Variants in PLEKHA3 observed in about 807,000 individuals in gnomAD.
PLEKHA3 encodes pleckstrin homology domain-containing family A member 3.
In PLEKHA3, 19 loss-of-function variants were observed where a neutral mutation model predicts 39.2. The observed-to-expected ratio is 0.48, with a 90% CI of 0.34 to 0.71. The LOEUF (loss-of-function observed/expected upper bound fraction) is 0.71. Among genes scored for constraint, PLEKHA3 ranks in the 30% least tolerant of loss-of-function variants. PLEKHA3 has a pLI of 0.01. For missense variants in PLEKHA3, 253 were observed against 359.5 expected (o/e 0.70, Z 2.40); for synonymous variants, 97 against 118.6 (o/e 0.82, Z 1.18).
chr2:178,487,810 G>A (rs949241158), intron 2 of PLEKHA3, among the ~76,000 whole-genome samples: 6 of 152,106 alleles, frequency 3.9e-5, no homozygotes, highest in African/African-American at 7.2e-5. Context: ...TTCTGCAATC[G>A]ATCAGAGTAT....
At chr2:178,490,903 T>C in intron 3 of PLEKHA3, 89 bp downstream of exon 3, 1 of 990,800 alleles carries the variant, frequency 1.0e-6, no homozygotes, top group South Asian at 2.2e-5. Flanking sequence ...TTTTAGTATC[T>C]ATCCCAAGGA....
intron 4 of PLEKHA3, among the ~76,000 whole-genome samples, chr2:178,494,899 T>C (rs1315861123): frequency 6.6e-6 from 1 of 150,986 alleles, no homozygotes; most frequent in Non-Finnish European, 1.5e-5. Context: ...CCTAGCCAAC[T>C]TCTCATCTTT....
In PLEKHA3 at chr2:178,508,217, TC is replaced by T. The variant is rs948580965; in HGVS notation, c.*4332del. On this transcript the variant is annotated 3_prime_UTR_variant, in exon 8 of 8. Transcript: ENST00000234453. ...TAAAAAGCTTTTTCTCTCTAGTTGTTCCTTAAGTTATATTATCTTTGTTCTT... is the reference window on the plus strand; with the variant it reads ...TAAAAAGCTTTTTCTCTCTAGTTGTTCTTAAGTTATATTATCTTTGTTCTT... 3 of 153,416 alleles carry T rather than the reference TC, an allele frequency of 2.0e-5. No homozygotes were observed. Among genetic ancestry groups the T allele is most frequent in the Non-Finnish European group, 4.4e-5 (3 of 67,972 alleles). 9.5% of individuals were successfully genotyped at this position (153,416 alleles called of 1,614,324 possible). A position where few individuals can be genotyped will look rare whatever the true frequency, so the allele number is the denominator to read the frequency against.
Position 178,490,661 on chromosome 2 carries a change from C to G in PLEKHA3, c.160C>G (p.His54Asp). The change falls in exon 3 of 8, where the codon CAT (histidine) becomes GAT (aspartate). Residue 54 changes from histidine (H) to aspartate (D), a missense_variant and splice_region_variant. Physicochemically the swap from His to Asp is moderately conservative, Grantham distance 81. Around this residue, in one of 2 missense-constraint regions of PLEKHA3, gnomAD observed 126 missense variants for 222.7 expected, o/e 0.57. Coordinates refer to ENST00000234453, the MANE Select transcript of PLEKHA3 (RefSeq NM_019091.4). Reference protein sequence around the residue: ...IKMAVCEIKVHSADNTRMELI... With the variant: ...IKMAVCEIKVDSADNTRMELI... Reference sequence around the variant, plus strand: ...TTCCCCTTTGTTTATCATCATAGTTCATTCAGCAGACAACACAAGAATGGA... The same window carrying G: ...TTCCCCTTTGTTTATCATCATAGTTGATTCAGCAGACAACACAAGAATGGA... 6.2e-7 allele frequency: 1 copy of G among 1,612,030 alleles called. No homozygotes were observed. The highest frequency in any genetic ancestry group is 8.5e-7 in the Non-Finnish European group (1 of 1,178,936).
rs185923989 is a variant in PLEKHA3 at position 178,484,795 on chromosome 2, G to A, written c.41-846G>A. ...AAGACTCCGGGGAACACCAAGTTTG[G>A]CTTCAAAGAGGAGTGGGAATTGGGT... is the stretch of plus-strand genomic sequence containing the variant. On this transcript the variant is annotated intron_variant, in intron 1 of 7. Coordinates refer to ENST00000234453, the MANE Select transcript of PLEKHA3 (RefSeq NM_019091.4). Among the ~76,000 whole-genome samples, 218 of 152,338 alleles carry A rather than the reference G, an allele frequency of 1.4e-3. 5 individuals are homozygous for A. The South Asian group carries it at 0.022, about 15-fold the overall frequency.
chr2:178,497,223 T>C (rs1333218085), intron 5 of PLEKHA3, among the ~76,000 whole-genome samples: 4 of 150,956 alleles, frequency 2.6e-5, no homozygotes, highest in African/African-American at 9.7e-5. Flanking sequence ...ATATAAATAC[T>C]ATATATGTAT....
intron 3 of PLEKHA3, among the ~76,000 whole-genome samples, chr2:178,491,254 G>T (rs747159146): frequency 6.6e-6 from 1 of 152,014 alleles, no homozygotes; most frequent in Non-Finnish European, 1.5e-5. Context: ...CAGGTAATCC[G>T]CTCGCCTCGG....
intron 6 of PLEKHA3, among the ~76,000 whole-genome samples, chr2:178,499,806 G>A (rs951533418): frequency 1.3e-5 from 2 of 152,144 alleles, no homozygotes; most frequent in Non-Finnish European, 2.9e-5. Context: ...CACAGTGACA[G>A]AATCACCTAG....
chr2:178,495,701 G>A (rs1685430840), intron 5 of PLEKHA3, 41 bp downstream of exon 5: 1 of 1,539,264 alleles, frequency 6.5e-7, no homozygotes, highest in African/African-American at 1.4e-5. Context: ...CAGTAGTAAT[G>A]TTGCATGTGG....
At chr2:178,481,230 A>G (rs1685158983) in intron 1 of PLEKHA3, among the ~76,000 whole-genome samples, 1 of 152,230 alleles carries the variant, frequency 6.6e-6, no homozygotes, top group Non-Finnish European at 1.5e-5. Flanking sequence ...CTTAGTATTC[A>G]TACTTTAAGA....
chr2:178,495,434 G>C, intron 4 of PLEKHA3, 62 bp from the exon 5 acceptor site: 2 of 1,451,800 alleles, frequency 1.4e-6, no homozygotes, highest in Non-Finnish European at 1.9e-6. Flanking sequence ...TTAATGATAA[G>C]GTTGTATATG....
intron 2 of PLEKHA3, among the ~76,000 whole-genome samples, chr2:178,490,250 T>C (rs767061932): frequency 7.2e-5 from 11 of 152,250 alleles, no homozygotes; most frequent in Non-Finnish European, 1.6e-4. Context: ...TGTCATTTAT[T>C]ACATTCCTTC....
intron 2 of PLEKHA3, among the ~76,000 whole-genome samples, chr2:178,489,484 G>T (rs1264604989): frequency 1.6e-5 from 2 of 128,136 alleles, no homozygotes; most frequent in African/African-American, 6.0e-5. Context: ...TTGAGACAGG[G>T]TCTTGCTCTG....
chr2:178,500,820 A>G (rs1265609806), intron 6 of PLEKHA3, among the ~76,000 whole-genome samples: 1 of 151,940 alleles, frequency 6.6e-6, no homozygotes, highest in African/African-American at 2.4e-5. Flanking sequence ...AGAAGTCACT[A>G]CTTCTTCATT....
chr2:178,508,425 TG>T lies in PLEKHA3; in HGVS notation c.*4540del, dbSNP rs1685636309. ...TCTTACATCTTTCCTGTTTCTTGAA[TG>T]GTTCTCCCCCTCCCCCACCATGTTT... On this transcript the variant is annotated 3_prime_UTR_variant, in exon 8 of 8. Transcript: ENST00000234453. 6.6e-6 allele frequency: 1 copy of T among 152,234 alleles called. No individual in the cohort carries two copies. The highest frequency in any genetic ancestry group is 6.5e-5 in the Admixed American group (1 of 15,274). 9.4% of individuals were successfully genotyped at this position (152,234 alleles called of 1,614,324 possible). A position where few individuals can be genotyped will look rare whatever the true frequency, so the allele number is the denominator to read the frequency against.
Position 178,495,481 on chromosome 2 carries a change from T to G in PLEKHA3, c.451-15T>G. 2 of 1,613,522 alleles carry G rather than the reference T, an allele frequency of 1.2e-6. No individual in the cohort carries two copies. The highest frequency in any genetic ancestry group is 1.7e-6 in the Non-Finnish European group (2 of 1,179,732). On this transcript the variant is annotated splice_polypyrimidine_tract_variant and intron_variant, in intron 4 of 7. Coordinates refer to ENST00000234453, the MANE Select transcript of PLEKHA3 (RefSeq NM_019091.4). ...TTGTATGCAAATCTGTTCAAGTCTT[T>G]GTGTAATTTTTCAGAACATGAATGA...
At position 178,484,609 on chromosome 2, in the gene PLEKHA3, G is replaced by C. The variant is rs148159209; in HGVS notation, c.41-1032G>C. ...GGCAGGCTATGGCAAAAGTGACCGG[G>C]ATACGAACATCCATGGTTTAAAATG... On this transcript the variant is annotated intron_variant, in intron 1 of 7. Coordinates refer to ENST00000234453, the MANE Select transcript of PLEKHA3 (RefSeq NM_019091.4). Among the ~76,000 whole-genome samples the C allele has an allele frequency of 6.6e-3, 1,006 of 152,260 alleles. 13 individuals are homozygous for C. The highest frequency in any genetic ancestry group is 0.023 in the African/African-American group (956 of 41,542).
At chr2:178,486,682 A>G (rs62176135) in intron 2 of PLEKHA3, among the ~76,000 whole-genome samples, 1,919 of 152,302 alleles carry the variant, frequency 0.013, 22 homozygotes, top group Middle Eastern at 0.058. Context: ...AAATTTATCT[A>G]TATTGTTCTG....
chr2:178,494,280 A>G (rs73973121), intron 4 of PLEKHA3, among the ~76,000 whole-genome samples: 2,902 of 152,290 alleles, frequency 0.019, 96 homozygotes, highest in African/African-American at 0.067. Flanking sequence ...TTTGTTCTCC[A>G]GGCTAGCGGC....
Sources: allele counts gnomAD v4.1 joint callset (sites outside exome capture counted in the v4.1 genomes callset), GRCh38; gene constraint gnomAD v4.1.1; regional missense constraint gnomAD v4.1.1; transcripts MANE v1.5; gene names NCBI Gene and HGNC (gene_info 2026-07-23, HGNC 2026-07-21).